The following CMTM8 variants were observed in gnomAD, a reference collection of about 807,000 sequenced individuals.
CMTM8 encodes CKLF-like MARVEL transmembrane domain-containing protein 8.
Under a neutral mutation model 18.6 loss-of-function variants are expected in CMTM8, and 12 were observed. The ratio of observed to expected loss-of-function variants is 0.65; its 90% CI spans 0.41 to 1.05. CMTM8 has a LOEUF of 1.05. CMTM8 is among the 50% of genes least tolerant of loss of function. The probability of loss-of-function intolerance (pLI) is 0.00; values close to 1 mark genes in which losing one functional copy is unlikely to be tolerated. For synonymous variants in CMTM8, 87 were observed against 90.6 expected, an observed-to-expected ratio of 0.96 and a Z score of 0.23; for missense variants, 217 against 227.2, an observed-to-expected ratio of 0.95 and a Z score of 0.29.
At chr3:32,244,376 G>A (rs1420665176) in intron 1 of CMTM8, among the ~76,000 whole-genome samples, 1 of 152,154 alleles carries the variant, frequency 6.6e-6, no homozygotes, top group Non-Finnish European at 1.5e-5. Context: ...TTAGAAACGG[G>A]GGTCTCACTG....
intron 1 of CMTM8, among the ~76,000 whole-genome samples, chr3:32,299,146 C>T (rs910230386): frequency 4.0e-5 from 6 of 151,716 alleles, no homozygotes; most frequent in African/African-American, 1.5e-4. Flanking sequence ...GACGTATTTT[C>T]ATAGAAAACA....
intron 1 of CMTM8, 62 bp downstream of exon 1, chr3:32,239,181 C>A (rs1701912430): frequency 2.6e-6 from 4 of 1,529,928 alleles, no homozygotes; most frequent in Admixed American, 2.0e-5. Flanking sequence ...GTGCTTCCGC[C>A]GTGCTTCTCG....
At chr3:32,323,932 C>A (rs968101961) in intron 1 of CMTM8, among the ~76,000 whole-genome samples, 2 of 152,198 alleles carry the variant, frequency 1.3e-5, no homozygotes, top group African/African-American at 4.8e-5. Flanking sequence ...TTCTCCCCTG[C>A]AAAATGATGC....
At position 32,368,456 on chromosome 3, in the gene CMTM8, ATTT is replaced by A. The variant is rs10594471; in HGVS notation, c.438+487_438+489del. ...GAGGGGAGTGAGACAAGAAACTTCT[ATTT>A]TTTTTTTTTTTTTTTTTTAGAGAAG... On this transcript the variant is annotated intron_variant, in intron 3 of 3. Transcript: ENST00000307526. 3.6e-3 allele frequency among the ~76,000 whole-genome samples: 455 copies of A among 128,080 alleles called. 2 individuals are homozygous for A. The highest frequency in any genetic ancestry group is 4.4e-3 in the Non-Finnish European group (272 of 61,266). 84.0% of individuals were successfully genotyped at this position (128,080 alleles called of 152,430 possible). A position where few individuals can be genotyped will look rare whatever the true frequency, so the allele number is the denominator to read the frequency against.
In CMTM8 at chr3:32,302,625, G is replaced by A. The variant is rs989615307; in HGVS notation, c.148-54748G>A. 2.6e-5 allele frequency among the ~76,000 whole-genome samples: 4 copies of A among 152,172 alleles called. No individual in the cohort carries two copies. In the East Asian group the frequency reaches 5.8e-4, roughly 22 times the overall value. ...CCCTTTTGAATTTAGAAGTGGACTT[G>A]TGAGTGCTAGGATTTCCCTGGGTTT... On this transcript the variant is annotated intron_variant, in intron 1 of 3. Coordinates refer to ENST00000307526, the MANE Select transcript of CMTM8 (RefSeq NM_178868.5).
At chr3:32,353,032 C>T (rs969576564) in intron 1 of CMTM8, among the ~76,000 whole-genome samples, 6 of 152,156 alleles carry the variant, frequency 3.9e-5, no homozygotes, top group African/African-American at 9.7e-5. Flanking sequence ...CCAGGCTCTG[C>T]GCCTGTGCTG....
At chr3:32,309,474 A>G (rs1000578642) in intron 1 of CMTM8, among the ~76,000 whole-genome samples, 3 of 151,230 alleles carry the variant, frequency 2.0e-5, no homozygotes, top group African/African-American at 7.3e-5. Flanking sequence ...CGCCCGGCTA[A>G]TTTTTGTATT....
rs531586759 is a variant in CMTM8, at chr3:32,310,035, G to A, written c.148-47338G>A. On this transcript the variant is annotated intron_variant, in intron 1 of 3. Coordinates refer to ENST00000307526, the MANE Select transcript of CMTM8 (RefSeq NM_178868.5). ...TCACAGCTCAGTTTTTAGAAAAGAG[G>A]AAGCAAATTAAGGACATCTCAAAAT... Among the ~76,000 whole-genome samples the A allele has an allele frequency of 3.3e-5, 5 of 152,298 alleles. 1 individual carries two copies. In the South Asian group the frequency reaches 1.0e-3, roughly 32 times the overall value.
chr3:32,288,625 T>C (rs537449009), intron 1 of CMTM8, among the ~76,000 whole-genome samples: 7 of 152,194 alleles, frequency 4.6e-5, no homozygotes, highest in East Asian at 1.9e-4. Context: ...CTCAGCCTCC[T>C]GAGTAGCTAG....
chr3:32,274,105 T>A (rs1270263367), intron 1 of CMTM8, among the ~76,000 whole-genome samples: 1 of 151,792 alleles, frequency 6.6e-6, no homozygotes, highest in Non-Finnish European at 1.5e-5. Flanking sequence ...AGCCTAGGAG[T>A]TTGAGACCAG....
chr3:32,273,361 TAC>T (rs1023399185), intron 1 of CMTM8, among the ~76,000 whole-genome samples: 1 of 152,096 alleles, frequency 6.6e-6, no homozygotes, highest in African/African-American at 2.4e-5. Context: ...TATATATACA[TAC>T]ACACACATGC....
At chr3:32,278,035 G>A (rs146278645) in intron 1 of CMTM8, among the ~76,000 whole-genome samples, 3 of 152,352 alleles carry the variant, frequency 2.0e-5, no homozygotes, top group African/African-American at 4.8e-5. Flanking sequence ...TGTCAGAGAC[G>A]CTGCCCACTT....
chr3:32,338,389 CACTG>C (rs1164221027), intron 1 of CMTM8, among the ~76,000 whole-genome samples: 3 of 152,164 alleles, frequency 2.0e-5, no homozygotes, highest in African/African-American at 7.2e-5. Flanking sequence ...TCCTTTCTTT[CACTG>C]ACTGAGTACC....
intron 1 of CMTM8, among the ~76,000 whole-genome samples, chr3:32,252,257 T>C (rs990641025): frequency 9.2e-5 from 14 of 152,242 alleles, no homozygotes; most frequent in Non-Finnish European, 1.8e-4. Flanking sequence ...TCTTGTTCTA[T>C]TCCTGTGTGA....
At chr3:32,271,905 G>A (rs910339791) in intron 1 of CMTM8, among the ~76,000 whole-genome samples, 1 of 152,150 alleles carries the variant, frequency 6.6e-6, no homozygotes, top group Non-Finnish European at 1.5e-5. Flanking sequence ...GTTGTTTAGT[G>A]TTAGCTACTT....
intron 1 of CMTM8, among the ~76,000 whole-genome samples, chr3:32,241,253 GA>G (rs776031261): frequency 4.6e-5 from 7 of 152,106 alleles, no homozygotes; most frequent in Non-Finnish European, 8.8e-5. Flanking sequence ...TCTGAAAGAT[GA>G]GGCTTTAGCT....
At chr3:32,330,237 C>A (rs1343107096) in intron 1 of CMTM8, among the ~76,000 whole-genome samples, 3 of 122,572 alleles carry the variant, frequency 2.4e-5, no homozygotes, top group Admixed American at 8.7e-5. Context: ...GAAAAAAAAT[C>A]CTAAAATTCC....
chr3:32,275,848 CTA>C (rs1702509134), intron 1 of CMTM8, among the ~76,000 whole-genome samples: 1 of 151,916 alleles, frequency 6.6e-6, no homozygotes, highest in Admixed American at 6.6e-5. Context: ...TGGGGTTTCG[CTA>C]TGTTGGCCAG....
At chr3:32,304,714 T>G (rs868160997) in intron 1 of CMTM8, among the ~76,000 whole-genome samples, 1 of 152,352 alleles carries the variant, frequency 6.6e-6, no homozygotes, top group Middle Eastern at 3.4e-3. Context: ...GAGGCAGAAT[T>G]CTTTCAGCTT....
Sources: allele counts gnomAD v4.1 joint callset (sites outside exome capture counted in the v4.1 genomes callset), GRCh38; gene constraint gnomAD v4.1.1; transcripts MANE v1.5; gene names NCBI Gene and HGNC (gene_info 2026-07-23, HGNC 2026-07-21).